CPEB4: variants seen among roughly 807,000 people sequenced by gnomAD.
CPEB4 encodes cytoplasmic polyadenylation element binding protein 4.
CPEB4 carries 12 observed loss-of-function variants against 72.5 expected under a neutral mutation model. That is an observed-to-expected ratio of 0.17 (90% CI 0.11 to 0.27). CPEB4 has a LOEUF of 0.27. Ranked by LOEUF, CPEB4 falls within the 10% of genes least tolerant of loss-of-function variation. CPEB4 has a pLI of 1.00. For missense variants in CPEB4, 614 were observed against 908.5 expected (o/e 0.68, Z 4.17); for synonymous variants, 302 against 326.3 (o/e 0.93, Z 0.80).
intron 3 of CPEB4, among the ~76,000 whole-genome samples, chr5:173,942,148 T>C (rs1757868919): frequency 6.6e-6 from 1 of 152,242 alleles, no homozygotes; most frequent in Non-Finnish European, 1.5e-5. Context: ...ATAGGCATGC[T>C]ACACTGTTGT....
intron 3 of CPEB4, among the ~76,000 whole-genome samples, chr5:173,936,927 A>G (rs1229381177): frequency 6.6e-6 from 1 of 151,522 alleles, no homozygotes; most frequent in African/African-American, 2.4e-5. Context: ...AAAACGTGTT[A>G]AGTTTTAACA....
chr5:173,924,835 T>C (rs899300910), intron 2 of CPEB4, among the ~76,000 whole-genome samples: 3 of 152,212 alleles, frequency 2.0e-5, no homozygotes, highest in African/African-American at 7.2e-5. Flanking sequence ...TGAGCACCTT[T>C]CTCTGCTCCA....
chr5:173,901,832 C>T (rs1242174061), intron 1 of CPEB4, among the ~76,000 whole-genome samples: 1 of 152,140 alleles, frequency 6.6e-6, no homozygotes. Context: ...ATATCAGTGG[C>T]GATGGCTTTA....
chr5:173,894,620 CAA>C (rs35059321), intron 1 of CPEB4, among the ~76,000 whole-genome samples: 52 of 90,186 alleles, frequency 5.8e-4, no homozygotes, highest in Non-Finnish European at 6.2e-4. Context: ...GACTCCGACT[CAA>C]AAAAAAAAAA....
intron 3 of CPEB4, among the ~76,000 whole-genome samples, chr5:173,940,481 G>A (rs1439919327): frequency 2.0e-5 from 3 of 152,196 alleles, no homozygotes; most frequent in African/African-American, 7.2e-5. Context: ...ATCATAAAGT[G>A]TGTGCCAATA....
chr5:173,949,862 C>G (rs1758155094), intron 6 of CPEB4, 98 bp from the exon 7 acceptor site: 1 of 868,812 alleles, frequency 1.2e-6, no homozygotes, highest in Non-Finnish European at 1.9e-6. Context: ...TTTTCCTATT[C>G]CTTTTTCCTT....
At position 173,956,320 on chromosome 5, in the gene CPEB4, C is replaced by A. The variant is rs903320140; in HGVS notation, c.*183C>A. 4 of 523,964 alleles carry A rather than the reference C, an allele frequency of 7.6e-6. No homozygotes were observed. Among genetic ancestry groups the A allele is most frequent in the Non-Finnish European group, 1.0e-5 (3 of 295,452 alleles). The allele number at this position is 523,964 out of a possible 1,614,324, so 32.5% of individuals were successfully genotyped here. A position where few individuals can be genotyped will look rare whatever the true frequency, so the allele number is the denominator to read the frequency against. ...TTGTAGATTCTTGTGTCACTGCAAA[C>A]AATATGAACTCCTTTTTCGTATTGC... is the stretch of plus-strand genomic sequence containing the variant. On this transcript the variant is annotated 3_prime_UTR_variant, in exon 10 of 10. Coordinates refer to ENST00000265085, the MANE Select transcript of CPEB4 (RefSeq NM_030627.4).
At chr5:173,948,264 AG>A (rs1758101531) in intron 5 of CPEB4, among the ~76,000 whole-genome samples, 1 of 152,246 alleles carries the variant, frequency 6.6e-6, no homozygotes, top group Non-Finnish European at 1.5e-5. Context: ...ATGGATGCCA[AG>A]GCTCATGAAG....
In CPEB4 at chr5:173,932,431, G is replaced by A. The variant is rs531165752; in HGVS notation, c.1208-19G>A. The A allele has an allele frequency of 9.4e-6, 15 of 1,602,626 alleles. No individual in the cohort carries two copies. Among genetic ancestry groups the A allele is most frequent in the South Asian group, 4.5e-5 (4 of 89,654 alleles). Reference sequence around the variant, plus strand: ...CTATGAAAAAAGTAAACTTAGTAACGGCCTTCTTTTACCTTCAGGTCGTCT... The same window carrying A: ...CTATGAAAAAAGTAAACTTAGTAACAGCCTTCTTTTACCTTCAGGTCGTCT... On this transcript the variant is annotated intron_variant, in intron 2 of 9. Coordinates refer to ENST00000265085, the MANE Select transcript of CPEB4 (RefSeq NM_030627.4).
intron 2 of CPEB4, among the ~76,000 whole-genome samples, chr5:173,915,385 CGGTGGGGAAAG>C (rs1253931744): frequency 6.6e-6 from 1 of 151,998 alleles, no homozygotes; most frequent in Non-Finnish European, 1.5e-5. Context: ...GCTCTTTGTG[CGGTGGGGAAAG>C]GGTTCTCCTC....
chr5:173,951,848 A>G lies in CPEB4; in HGVS notation c.1690A>G (p.Ser564Gly). The G allele has an allele frequency of 2.5e-6, 4 of 1,613,518 alleles. No homozygotes were observed. The highest frequency in any genetic ancestry group is 3.4e-6 in the Non-Finnish European group (4 of 1,179,448). ...KPVQIRPWNL[S>G]DSDFVMDGSQ... ...GGTCCAGATTCGGCCTTGGAATCTC[A>G]GTGACAGTGACTTTGTGATGGATGG... The change falls in exon 8 of 10, where the codon AGT becomes GGT. Residue 564 changes from serine (S) to glycine (G), a missense_variant. Ser to Gly is a moderately conservative substitution (Grantham distance 56). Coordinates refer to ENST00000265085, the MANE Select transcript of CPEB4 (RefSeq NM_030627.4).
At chr5:173,892,995 CTCTG>C (rs1315061602) in intron 1 of CPEB4, 1 of 94,276 alleles carries the variant, frequency 1.1e-5, no homozygotes, top group Non-Finnish European at 2.1e-5. Context: ...CCATTTGTAG[CTCTG>C]TGTGTGTGTG....
At chr5:173,933,505 C>T (rs1389224457) in intron 3 of CPEB4, among the ~76,000 whole-genome samples, 1 of 152,098 alleles carries the variant, frequency 6.6e-6, no homozygotes, top group Non-Finnish European at 1.5e-5. Flanking sequence ...TTTATAAAAT[C>T]TTACTTGGTC....
chr5:173,909,535 T>G (rs1398334241), intron 1 of CPEB4, among the ~76,000 whole-genome samples: 2 of 152,120 alleles, frequency 1.3e-5, no homozygotes, highest in Non-Finnish European at 2.9e-5. Context: ...TACGAAATTT[T>G]TTTTTTTTAC....
chr5:173,905,608 T>C (rs542301245), intron 1 of CPEB4, among the ~76,000 whole-genome samples: 40 of 152,272 alleles, frequency 2.6e-4, no homozygotes, highest in African/African-American at 9.6e-4. Context: ...TGTGAGCCAC[T>C]GTACCCAGCT....
intron 1 of CPEB4, 63 bp from the exon 2 acceptor site, chr5:173,910,460 A>T: frequency 8.9e-7 from 1 of 1,129,460 alleles, no homozygotes; most frequent in South Asian, 1.3e-5. Flanking sequence ...AATGAAACTT[A>T]CTGTCCTCTT....
intron 1 of CPEB4, among the ~76,000 whole-genome samples, chr5:173,893,851 A>G (rs1258875860): frequency 2.0e-5 from 3 of 152,240 alleles, no homozygotes; most frequent in African/African-American, 7.2e-5. Flanking sequence ...TTTTAAATTC[A>G]TAATCCTCCC....
chr5:173,921,888 T>C (rs182442948), intron 2 of CPEB4, among the ~76,000 whole-genome samples: 31 of 152,338 alleles, frequency 2.0e-4, no homozygotes, highest in Non-Finnish European at 4.1e-4. Context: ...AGTGAAAGGG[T>C]GCTTACCTCT....
intron 2 of CPEB4, among the ~76,000 whole-genome samples, chr5:173,921,731 G>A (rs1311569181): frequency 3.9e-5 from 6 of 152,128 alleles, no homozygotes; most frequent in Admixed American, 3.3e-4. Flanking sequence ...TTATATTTTA[G>A]CTTCTGCTTA....
Sources: allele counts gnomAD v4.1 joint callset (sites outside exome capture counted in the v4.1 genomes callset), GRCh38; gene constraint gnomAD v4.1.1; transcripts MANE v1.5; gene names NCBI Gene and HGNC (gene_info 2026-07-23, HGNC 2026-07-21).